The following NCALD variants were observed in gnomAD, a reference collection of about 807,000 sequenced individuals.
NCALD encodes the protein neurocalcin delta, also known as neurocalcin-delta.
NCALD carries 10 observed loss-of-function variants against 18.6 expected under a neutral mutation model. The observed-to-expected ratio is 0.54, with a 90% confidence interval of 0.33 to 0.91. The LOEUF (loss-of-function observed/expected upper bound fraction) is 0.91, where lower values mean the gene tolerates loss of function less well. Ranked by LOEUF, NCALD falls within the 40% of genes least tolerant of loss-of-function variation. The pLI is 0.03. For missense variants in NCALD, 184 were observed against 247.6 expected, an observed-to-expected ratio of 0.74 and a Z score of 1.72; for synonymous variants, 88 against 87.4, an observed-to-expected ratio of 1.01 and a Z score of -0.04.
intron 2 of NCALD, among the ~76,000 whole-genome samples, chr8:101,715,250 T>C (rs1290965998): frequency 6.6e-6 from 1 of 152,168 alleles, no homozygotes; most frequent in Non-Finnish European, 1.5e-5. Flanking sequence ...ATTTAATAAA[T>C]GGTGTTAGGA....
chr8:101,748,261 A>G (rs1304676011), intron 1 of NCALD, among the ~76,000 whole-genome samples: 2 of 152,208 alleles, frequency 1.3e-5, no homozygotes, highest in African/African-American at 4.8e-5. Flanking sequence ...ATTTAATCTA[A>G]GCATTTACGT....
intron 1 of NCALD, among the ~76,000 whole-genome samples, chr8:101,758,268 C>G (rs1401862023): frequency 4.6e-5 from 7 of 152,202 alleles, no homozygotes; most frequent in African/African-American, 1.7e-4. Context: ...TGCTCCAACT[C>G]CACAGAAAGG....
chr8:101,773,726 T>C (rs898874425), intron 1 of NCALD, among the ~76,000 whole-genome samples: 1 of 152,198 alleles, frequency 6.6e-6, no homozygotes, highest in Non-Finnish European at 1.5e-5. Flanking sequence ...TGAATATTCC[T>C]TTTCTAAACA....
intron 3 of NCALD, among the ~76,000 whole-genome samples, chr8:101,895,962 G>A (rs1294067624): frequency 2.7e-5 from 4 of 150,918 alleles, no homozygotes; most frequent in African/African-American, 9.9e-5. Flanking sequence ...TAGATTCAGT[G>A]CCATCCCCAT....
chr8:101,732,439 A>AT (rs1816876121), intron 1 of NCALD, among the ~76,000 whole-genome samples: 3 of 152,134 alleles, frequency 2.0e-5, no homozygotes, highest in South Asian at 2.1e-4. Flanking sequence ...ATAGTTCATA[A>AT]TTTTTTTATT....
chr8:101,697,807 A>G (rs1432284328), intron 2 of NCALD, among the ~76,000 whole-genome samples: 1 of 152,184 alleles, frequency 6.6e-6, no homozygotes, highest in African/African-American at 2.4e-5. Flanking sequence ...AATAAGAGCT[A>G]TTTATGACAA....
chr8:102,047,173 T>G (rs1186625128), intron 1 of NCALD, among the ~76,000 whole-genome samples: 1 of 152,236 alleles, frequency 6.6e-6, no homozygotes, highest in Non-Finnish European at 1.5e-5. Flanking sequence ...CTGCATAGTA[T>G]TCCACGGTGT....
At position 101,688,824 on chromosome 8, in the gene NCALD, A is replaced by G; in HGVS notation, c.*485T>C. Reference sequence around the variant, plus strand: ...GGGAAATGTCCCAGCTCGCTGGAATAGCCTCACCCCAGAGGGTAACTTGTT... The same window carrying G: ...GGGAAATGTCCCAGCTCGCTGGAATGGCCTCACCCCAGAGGGTAACTTGTT... On this transcript the variant is annotated 3_prime_UTR_variant, in exon 4 of 4. Coordinates refer to ENST00000220931, the MANE Select transcript of NCALD (RefSeq NM_032041.3). 2 of 634,280 alleles carry G rather than the reference A, an allele frequency of 3.2e-6. No homozygotes were observed. Among genetic ancestry groups the G allele is most frequent in the Non-Finnish European group, 2.9e-6 (1 of 346,172 alleles). The allele number at this position is 634,280 out of a possible 1,614,324, so 39.3% of individuals were successfully genotyped here.
intron 2 of NCALD, among the ~76,000 whole-genome samples, chr8:101,945,433 T>A (rs1819130568): frequency 6.6e-6 from 1 of 152,108 alleles, no homozygotes; most frequent in Non-Finnish European, 1.5e-5. Flanking sequence ...CCGTGACAAG[T>A]TATTCAAAGG....
intron 1 of NCALD, among the ~76,000 whole-genome samples, chr8:102,070,390 C>T (rs1824143503): frequency 6.6e-6 from 1 of 151,948 alleles, no homozygotes; most frequent in South Asian, 2.1e-4. Context: ...CAAGAGTATT[C>T]ATTTTTGATT....
intron 2 of NCALD, among the ~76,000 whole-genome samples, chr8:101,943,693 C>A (rs1344423134): frequency 1.3e-5 from 2 of 151,722 alleles, no homozygotes; most frequent in East Asian, 3.9e-4. Flanking sequence ...GTAATCCCAG[C>A]ACTTTGGGAG....
At chr8:101,994,658 G>A (rs982998567) in intron 2 of NCALD, among the ~76,000 whole-genome samples, 7 of 152,220 alleles carry the variant, frequency 4.6e-5, no homozygotes, top group African/African-American at 1.7e-4. Flanking sequence ...CATGGCTGGG[G>A]TCTGAATCCT....
chr8:102,035,619 A>T (rs10113810), intron 1 of NCALD, among the ~76,000 whole-genome samples: 66,176 of 151,738 alleles, frequency 0.44, 14,728 homozygotes, highest in African/African-American at 0.46. Flanking sequence ...TGACTAGGGT[A>T]TTAAAAATGA....
chr8:101,795,471 C>A (rs1404714950), upstream of NCALD, among the ~76,000 whole-genome samples: 1 of 152,096 alleles, frequency 6.6e-6, no homozygotes, highest in African/African-American at 2.4e-5. Context: ...TCCTAGATGG[C>A]GCCTTCAAGC....
At position 101,911,741 on chromosome 8, in the gene NCALD, G is replaced by A. The variant is rs1314819898; in HGVS notation, c.-107+4068C>T. 2.6e-5 allele frequency among the ~76,000 whole-genome samples: 4 copies of A among 151,968 alleles called. No homozygotes were observed. The East Asian group carries it at 7.7e-4, about 29-fold the overall frequency. ...GGCTACTAATGAGCTGCGTTTCCAC[G>A]AATTACCTGCTTTCTTCATGGTGGC... On this transcript the variant is annotated intron_variant, in intron 3 of 6. Coordinates refer to the NCALD transcript ENST00000311028.
At chr8:102,031,426 G>T (rs185859258) in intron 1 of NCALD, among the ~76,000 whole-genome samples, 1 of 152,300 alleles carries the variant, frequency 6.6e-6, no homozygotes, top group African/African-American at 2.4e-5. Flanking sequence ...AAGTGAAGGG[G>T]GTTATGATGG....
At position 102,006,666 on chromosome 8, in the gene NCALD, T is replaced by C. The variant is rs1271033781; in HGVS notation, c.-157+13571A>G. Among the ~76,000 whole-genome samples the C allele has an allele frequency of 6.6e-5, 10 of 152,238 alleles. No individual in the cohort carries two copies. In the East Asian group the frequency reaches 1.9e-3, roughly 29 times the overall value. Reference sequence around the variant, plus strand: ...TCTGTACTTCAGAGTCTGGTGGTTCTGACAGAAGCTGGTTCTCCAATGGCA... The same window carrying C: ...TCTGTACTTCAGAGTCTGGTGGTTCCGACAGAAGCTGGTTCTCCAATGGCA... On this transcript the variant is annotated intron_variant, in intron 2 of 6. Coordinates refer to the NCALD transcript ENST00000311028.
chr8:101,755,643 A>T (rs537465775), intron 1 of NCALD, among the ~76,000 whole-genome samples: 6 of 152,202 alleles, frequency 3.9e-5, no homozygotes, highest in Non-Finnish European at 2.9e-5. Context: ...GCAGGCAGAA[A>T]CCAGGGAATA....
intron 1 of NCALD, among the ~76,000 whole-genome samples, chr8:101,729,888 T>G (rs1269148026): frequency 6.6e-6 from 1 of 152,182 alleles, no homozygotes; most frequent in African/African-American, 2.4e-5. Context: ...GATAAGAATC[T>G]GAGCAGAACC....
Sources: gnomAD v4.1 joint callset for allele counts (sites outside exome capture counted in the v4.1 genomes callset) on GRCh38, gnomAD v4.1.1 for gene constraint, MANE v1.5 for transcripts, NCBI Gene and HGNC (gene_info 2026-07-23, HGNC 2026-07-21) for gene names.